Variants in RALA observed in about 807,000 individuals in gnomAD.
RALA encodes ras-related protein Ral-A.
Under a neutral mutation model 24.0 loss-of-function variants are expected in RALA, and 5 were observed. The observed-to-expected ratio is 0.21, with a 90% CI of 0.11 to 0.44. RALA has a LOEUF of 0.44. RALA is among the 20% of genes least tolerant of loss of function. The pLI is 0.99. For missense variants in RALA, 95 were observed against 241.2 expected (o/e 0.39, Z 4.01); for synonymous variants, 77 against 83.8 (o/e 0.92, Z 0.44).
chr7:39,638,011 C>T (rs1791713208), intron 1 of RALA, among the ~76,000 whole-genome samples: 1 of 152,160 alleles, frequency 6.6e-6, no homozygotes, highest in Non-Finnish European at 1.5e-5. Flanking sequence ...GTAACAATTC[C>T]ATAACATCCT....
chr7:39,644,201 G>GT (rs372152552), intron 1 of RALA, among the ~76,000 whole-genome samples: 10,124 of 141,308 alleles, frequency 0.072, 388 homozygotes, highest in African/African-American at 0.12. Context: ...AAATTCCTAT[G>GT]TTTTTTTTTT....
chr7:39,701,530 A>G lies in RALA; in HGVS notation c.499-4593A>G, dbSNP rs371279123. Reference sequence around the variant, plus strand: ...CCTATCTCAAAAACAAAACAAAACAATGGTTGGAATAGCTAGTGTATCTCC... The same window carrying G: ...CCTATCTCAAAAACAAAACAAAACAGTGGTTGGAATAGCTAGTGTATCTCC... On this transcript the variant is annotated intron_variant, in intron 4 of 4. Coordinates refer to ENST00000005257, the MANE Select transcript of RALA (RefSeq NM_005402.4). Among the ~76,000 whole-genome samples the G allele has an allele frequency of 4.4e-4, 67 of 152,252 alleles. No homozygotes were observed. The South Asian group carries it at 0.013, about 30-fold the overall frequency.
At chr7:39,699,165 GCT>G (rs1406720113) in intron 4 of RALA, among the ~76,000 whole-genome samples, 12 of 107,774 alleles carry the variant, frequency 1.1e-4, no homozygotes, top group African/African-American at 4.1e-4. Flanking sequence ...ACGGAGTCTC[GCT>G]CTGTCGCCCA....
chr7:39,643,999 C>A (rs1791883902), intron 1 of RALA, among the ~76,000 whole-genome samples: 3 of 152,152 alleles, frequency 2.0e-5, no homozygotes, highest in Admixed American at 1.3e-4. Context: ...CAGGTTAATA[C>A]ATATAATGAC....
At chr7:39,652,410 A>G (rs1016772632) in intron 1 of RALA, among the ~76,000 whole-genome samples, 4 of 152,218 alleles carry the variant, frequency 2.6e-5, no homozygotes, top group Non-Finnish European at 5.9e-5. Context: ...AATTGTAGGT[A>G]TAAGTTTTAT....
intron 1 of RALA, among the ~76,000 whole-genome samples, chr7:39,659,205 G>A (rs1435649332): frequency 2.0e-5 from 3 of 152,098 alleles, no homozygotes; most frequent in Non-Finnish European, 4.4e-5. Context: ...CTTGACCCCA[G>A]GAGGTCAAGG....
intron 1 of RALA, among the ~76,000 whole-genome samples, chr7:39,645,440 T>C (rs549432677): frequency 6.6e-6 from 1 of 152,364 alleles, no homozygotes; most frequent in African/African-American, 2.4e-5. Context: ...TTGACAATTA[T>C]GGCCTCATAA....
intron 1 of RALA, among the ~76,000 whole-genome samples, chr7:39,675,101 C>T (rs1792456244): frequency 6.6e-6 from 1 of 152,170 alleles, no homozygotes; most frequent in African/African-American, 2.4e-5. Context: ...GCTGGGATTA[C>T]AGGCGTGAGC....
chr7:39,654,087 A>AG, intron 1 of RALA, among the ~76,000 whole-genome samples: 1 of 152,318 alleles, frequency 6.6e-6, no homozygotes, highest in African/African-American at 2.4e-5. Context: ...GACACTGCAC[A>AG]GGGGGTTCTA....
intron 1 of RALA, among the ~76,000 whole-genome samples, chr7:39,661,022 G>A (rs1235364553): frequency 2.0e-5 from 3 of 152,160 alleles, no homozygotes; most frequent in African/African-American, 7.2e-5. Flanking sequence ...CATGGCAGAA[G>A]GTGAAAGGCA....
At chr7:39,641,571 G>A (rs1400099540) in intron 1 of RALA, among the ~76,000 whole-genome samples, 1 of 152,080 alleles carries the variant, frequency 6.6e-6, no homozygotes, top group Non-Finnish European at 1.5e-5. Flanking sequence ...TCAATTTTTT[G>A]TTATTGGTTT....
At chr7:39,678,039 G>C (rs1193663865) in intron 1 of RALA, among the ~76,000 whole-genome samples, 1 of 138,644 alleles carries the variant, frequency 7.2e-6, no homozygotes, top group Non-Finnish European at 1.5e-5. Context: ...TCTGGGGACT[G>C]TGGTGGGGTC....
chr7:39,667,439 G>C (rs1792303997), intron 1 of RALA, among the ~76,000 whole-genome samples: 1 of 152,218 alleles, frequency 6.6e-6, no homozygotes, highest in Admixed American at 6.5e-5. Flanking sequence ...GCAAAGCAGA[G>C]ACTTTCTAGG....
intron 1 of RALA, among the ~76,000 whole-genome samples, chr7:39,657,765 A>G (rs201688146): frequency 2.5e-5 from 2 of 80,698 alleles, no homozygotes; most frequent in South Asian, 3.3e-4. Context: ...CCACAAAAAA[A>G]GAAAAAAAAT....
intron 1 of RALA, among the ~76,000 whole-genome samples, chr7:39,683,545 T>G (rs1792643077): frequency 6.6e-6 from 1 of 152,218 alleles, no homozygotes; most frequent in Non-Finnish European, 1.5e-5. Context: ...GGCTATGGCT[T>G]GTTTATCATT....
Position 39,696,715 on chromosome 7 carries a change from G to A in RALA, c.354G>A (p.Glu118=). The A allele has an allele frequency of 6.2e-7, 1 of 1,608,004 alleles. No individual in the cohort carries two copies. Among genetic ancestry groups the A allele is most frequent in the Non-Finnish European group, 8.5e-7 (1 of 1,176,568 alleles). The change falls in exon 4 of 5, where the codon GAG becomes GAA. Residue 118 remains glutamate (E), a synonymous_variant. Coordinates refer to ENST00000005257, the MANE Select transcript of RALA (RefSeq NM_005402.4). ...AGATTTTAAGAGTAAAAGAAGATGA[G>A]AATGTTCCATTTCTACTGGTTGGTA... ...REQILRVKED[E]NVPFLLVGNK...
intron 1 of RALA, among the ~76,000 whole-genome samples, chr7:39,628,212 C>T (rs1371011850): frequency 6.6e-6 from 1 of 151,984 alleles, no homozygotes; most frequent in Non-Finnish European, 1.5e-5. Flanking sequence ...CTCTCTGGAT[C>T]CCATCCCTCA....
At chr7:39,659,901 C>T (rs1011777101) in intron 1 of RALA, among the ~76,000 whole-genome samples, 3 of 152,042 alleles carry the variant, frequency 2.0e-5, no homozygotes, top group African/African-American at 7.2e-5. Flanking sequence ...AGTGTGGCTC[C>T]TGTATAAAAA....
chr7:39,656,526 C>T (rs1322297170), intron 1 of RALA, among the ~76,000 whole-genome samples: 1 of 152,178 alleles, frequency 6.6e-6, no homozygotes, highest in Non-Finnish European at 1.5e-5. Flanking sequence ...ATCTGGCAAC[C>T]AGAATGCCTT....
Sources: allele counts gnomAD v4.1 joint callset (sites outside exome capture counted in the v4.1 genomes callset), GRCh38; gene constraint gnomAD v4.1.1; transcripts MANE v1.5; gene names NCBI Gene and HGNC (gene_info 2026-07-23, HGNC 2026-07-21).